The following CADM2 variants were observed in gnomAD, a reference collection of about 807,000 sequenced individuals.
The protein encoded by CADM2 is immunoglobulin superfamily member 4D.
A neutral mutation model predicts 49.8 loss-of-function variants in CADM2; 12 were observed. That is an observed-to-expected ratio of 0.24 (90% CI 0.15 to 0.39). The LOEUF (loss-of-function observed/expected upper bound fraction) is 0.39. Ranked by LOEUF, CADM2 falls within the 10% of genes least tolerant of loss-of-function variation. The pLI is 1.00. For synonymous variants in CADM2, 214 were observed against 175.4 expected (o/e 1.22, Z -1.74); for missense variants, 378 against 492.3 (o/e 0.77, Z 2.20).
chr3:85,185,371 T>C (rs1279678619), intron 1 of CADM2, among the ~76,000 whole-genome samples: 1 of 152,088 alleles, frequency 6.6e-6, no homozygotes, highest in Middle Eastern at 3.2e-3. Context: ...TAGGAACATA[T>C]GTTTCCCAAA....
At chr3:85,378,972 T>C (rs747432484) in intron 1 of CADM2, among the ~76,000 whole-genome samples, 11 of 152,030 alleles carry the variant, frequency 7.2e-5, no homozygotes, top group Non-Finnish European at 1.5e-4. Flanking sequence ...TAGTATTTAT[T>C]AGAAGCAACC....
intron 1 of CADM2, among the ~76,000 whole-genome samples, chr3:84,990,724 C>T (rs1482161822): frequency 6.6e-6 from 1 of 152,030 alleles, no homozygotes; most frequent in African/African-American, 2.4e-5. Flanking sequence ...GATAACTGGG[C>T]ATAGTCTAAC....
chr3:85,340,107 G>A (rs1430911592), intron 1 of CADM2, among the ~76,000 whole-genome samples: 2 of 151,312 alleles, frequency 1.3e-5, no homozygotes, highest in Admixed American at 6.6e-5. Context: ...CAAAGAATCA[G>A]TAGAGATATT....
chr3:85,014,128 A>G (rs1408157546), intron 1 of CADM2, among the ~76,000 whole-genome samples: 2 of 146,712 alleles, frequency 1.4e-5, no homozygotes, highest in Non-Finnish European at 3.0e-5. Flanking sequence ...GTAATATTGT[A>G]TATTATATAT....
At chr3:85,746,545 T>C (rs1190438723) in intron 2 of CADM2, among the ~76,000 whole-genome samples, 1 of 152,146 alleles carries the variant, frequency 6.6e-6, no homozygotes, top group Non-Finnish European at 1.5e-5. Flanking sequence ...CCTCCTTTTC[T>C]TTTTCTCTTT....
intron 1 of CADM2, among the ~76,000 whole-genome samples, chr3:85,240,442 TA>T (rs1357610524): frequency 6.6e-6 from 1 of 151,536 alleles, no homozygotes; most frequent in Non-Finnish European, 1.5e-5. Context: ...TTATTGCTCA[TA>T]AAATATTTAA....
At chr3:85,468,705 G>A (rs916006031) in intron 1 of CADM2, among the ~76,000 whole-genome samples, 1 of 152,108 alleles carries the variant, frequency 6.6e-6, no homozygotes, top group Non-Finnish European at 1.5e-5. Flanking sequence ...AGGACCCCGT[G>A]GGATACATTA....
intron 2 of CADM2, among the ~76,000 whole-genome samples, chr3:85,749,047 A>G (rs1308049366): frequency 6.6e-6 from 1 of 152,140 alleles, no homozygotes; most frequent in Non-Finnish European, 1.5e-5. Flanking sequence ...TCTAATGCAG[A>G]ATAACAAGAG....
At chr3:85,553,094 C>T (rs952781962) in intron 1 of CADM2, among the ~76,000 whole-genome samples, 1 of 151,788 alleles carries the variant, frequency 6.6e-6, no homozygotes, top group African/African-American at 2.4e-5. Context: ...AGATTATTCA[C>T]CAGAATAATT....
chr3:85,506,053 G>T (rs1019776139), intron 1 of CADM2, among the ~76,000 whole-genome samples: 1 of 152,130 alleles, frequency 6.6e-6, no homozygotes, highest in African/African-American at 2.4e-5. Context: ...ATTAAAACTT[G>T]CATTATAATA....
At chr3:85,456,276 C>T (rs2037984587) in intron 1 of CADM2, among the ~76,000 whole-genome samples, 1 of 152,154 alleles carries the variant, frequency 6.6e-6, no homozygotes, top group African/African-American at 2.4e-5. Context: ...GATAGTCTAT[C>T]TGGCAGCCAT....
chr3:85,015,960 G>T (rs1021848816), intron 1 of CADM2, among the ~76,000 whole-genome samples: 20 of 152,294 alleles, frequency 1.3e-4, no homozygotes, highest in Admixed American at 1.3e-3. Flanking sequence ...TCCTTCAGGT[G>T]TAGTAGGAAT....
intron 1 of CADM2, among the ~76,000 whole-genome samples, chr3:85,162,235 A>G (rs998804414): frequency 2.0e-5 from 3 of 152,158 alleles, no homozygotes; most frequent in African/African-American, 7.2e-5. Context: ...CTCATTATAA[A>G]GAAGAGACAA....
intron 8 of CADM2, among the ~76,000 whole-genome samples, chr3:85,976,254 A>G (rs9880094): frequency 0.039 from 5,874 of 151,596 alleles, 383 homozygotes; most frequent in African/African-American, 0.13. Context: ...ACAGTGTAAG[A>G]GGTTTAAAAA....
chr3:85,578,041 C>G (rs1376229173), intron 1 of CADM2, among the ~76,000 whole-genome samples: 1 of 88,704 alleles, frequency 1.1e-5, no homozygotes, highest in African/African-American at 6.0e-5. Flanking sequence ...TCTTCCCCCC[C>G]TTTCTTTCTT....
intron 5 of CADM2, among the ~76,000 whole-genome samples, chr3:85,899,283 T>C (rs1355574790): frequency 1.3e-5 from 2 of 152,080 alleles, no homozygotes; most frequent in Admixed American, 6.5e-5. Flanking sequence ...TATTATATTT[T>C]AGTTTTATGA....
intron 1 of CADM2, among the ~76,000 whole-genome samples, chr3:85,385,037 G>A (rs971134845): frequency 1.3e-5 from 2 of 152,084 alleles, no homozygotes; most frequent in African/African-American, 4.8e-5. Context: ...CAAGGCTGAA[G>A]TGATTCTCCT....
intron 1 of CADM2, among the ~76,000 whole-genome samples, chr3:84,969,344 A>C (rs2031245251): frequency 6.6e-6 from 1 of 151,984 alleles, no homozygotes; most frequent in Admixed American, 6.6e-5. Flanking sequence ...TTTTAGTTTT[A>C]GTAGACAAAA....
At chr3:84,982,111 C>T (rs1448383160) in intron 1 of CADM2, among the ~76,000 whole-genome samples, 1 of 152,154 alleles carries the variant, frequency 6.6e-6, no homozygotes, top group African/African-American at 2.4e-5. Context: ...TTGATATCTT[C>T]CCTCTCACAT....
Sources: allele counts gnomAD v4.1 joint callset (sites outside exome capture counted in the v4.1 genomes callset), GRCh38; gene constraint gnomAD v4.1.1; transcripts MANE v1.5; gene names NCBI Gene and HGNC (gene_info 2026-07-23, HGNC 2026-07-21).